The following NXNL2 variants were observed in gnomAD, a reference collection of about 807,000 sequenced individuals.
The protein encoded by NXNL2 is nucleoredoxin-like protein 2.
NXNL2 carries 7 observed loss-of-function variants against 11.1 expected under a neutral mutation model. The ratio of observed to expected loss-of-function variants is 0.63; its 90% CI spans 0.36 to 1.18. The LOEUF (loss-of-function observed/expected upper bound fraction) is 1.18, where lower values mean the gene tolerates loss of function less well. Among genes scored for constraint, NXNL2 ranks in the 50% most tolerant of loss-of-function variants. The pLI, the probability that NXNL2 is intolerant of heterozygous loss-of-function variation, is 0.02. For missense variants in NXNL2, 233 were observed against 217.7 expected, an observed-to-expected ratio of 1.07 and a Z score of -0.44; for synonymous variants, 109 against 101.8, an observed-to-expected ratio of 1.07 and a Z score of -0.42.
downstream of NXNL2, among the ~76,000 whole-genome samples, chr9:88,577,343 C>A (rs529045966): frequency 1.3e-5 from 2 of 152,096 alleles, no homozygotes; most frequent in South Asian, 2.1e-4. Flanking sequence ...TGATGCACCC[C>A]CGGGCAGGGG....
chr9:88,557,080 CAAAAAAA>C (rs150400954), intron 1 of NXNL2, among the ~76,000 whole-genome samples: 3 of 55,630 alleles, frequency 5.4e-5, no homozygotes, highest in Non-Finnish European at 8.9e-5. Context: ...GACTCCATCT[CAAAAAAA>C]AAAAAAAAAA....
chr9:88,582,526 T>C (rs1418418954), intron 1 of NXNL2, among the ~76,000 whole-genome samples: 1 of 152,104 alleles, frequency 6.6e-6, no homozygotes, highest in African/African-American at 2.4e-5. Context: ...ATTGCACCAT[T>C]AGCAAGTATT....
At chr9:88,547,066 G>A (rs150701686), downstream of NXNL2, among the ~76,000 whole-genome samples, 6 of 152,348 alleles carry the variant, frequency 3.9e-5, no homozygotes, top group African/African-American at 1.4e-4. Context: ...TGGGGCAGGG[G>A]TTGAAAGACA....
downstream of NXNL2, among the ~76,000 whole-genome samples, chr9:88,577,623 A>AAGAGAG (rs5899044): frequency 0.091 from 13,631 of 149,334 alleles, 843 homozygotes; most frequent in African/African-American, 0.17. Flanking sequence ...TGGAGAGAGA[A>AAGAGAG]AGAGAGAGAG....
chr9:88,584,500 T>G (rs1390191007), downstream of NXNL2, among the ~76,000 whole-genome samples: 3 of 152,210 alleles, frequency 2.0e-5, no homozygotes, highest in African/African-American at 7.2e-5. Flanking sequence ...AAATGTCTGT[T>G]GTTTAAACTA....
chr9:88,535,195 T>A lies in NXNL2; in HGVS notation c.-240T>A. ...CCGCTCCCAGAGGCGGGTGCCGCGC[T>A]GTCGCCCAGGTATCTGGGGTCTCTG... is the stretch of plus-strand genomic sequence containing the variant. On this transcript the variant is annotated 5_prime_UTR_variant, in exon 1 of 2. Coordinates refer to ENST00000375854, the MANE Select transcript of NXNL2 (RefSeq NM_001161625.2). The A allele has an allele frequency of 3.8e-6, 2 of 532,292 alleles. No individual in the cohort carries two copies. Among genetic ancestry groups the A allele is most frequent in the South Asian group, 5.2e-5 (2 of 38,394 alleles). 33.0% of individuals were successfully genotyped at this position (532,292 alleles called of 1,614,324 possible).
chr9:88,566,892 C>T (rs1228624481), intron 1 of NXNL2, among the ~76,000 whole-genome samples: 1 of 151,786 alleles, frequency 6.6e-6, no homozygotes, highest in Non-Finnish European at 1.5e-5. Context: ...TCTATCTAGC[C>T]TATTATCTAT....
In NXNL2 at chr9:88,582,296, T is replaced by C. The variant is rs374078525; in HGVS notation, n.552-1703T>C. Among the ~76,000 whole-genome samples, 294 of 152,140 alleles carry C rather than the reference T, an allele frequency of 1.9e-3. 1 individual carries two copies. The highest frequency in any genetic ancestry group is 6.1e-3 in the African/African-American group (252 of 41,508). On this transcript the variant is annotated intron_variant and non_coding_transcript_variant, in intron 1 of 1. Transcript: ENST00000478686. ...CATCCTGGCTAACACGGTGAAACCC[T>C]GTCTCTGCTAAAAATACAAAAAATT...
In NXNL2 at chr9:88,536,924, C is replaced by G. The variant is rs73652586; in HGVS notation, c.302+1188C>G. 8.6e-3 allele frequency among the ~76,000 whole-genome samples: 1,312 copies of G among 152,292 alleles called. 25 individuals are homozygous for G. Among genetic ancestry groups the G allele is most frequent in the African/African-American group, 0.029 (1,215 of 41,558 alleles). On this transcript the variant is annotated intron_variant, in intron 1 of 1. Transcript: ENST00000375854. ...TTTGCAAAAGGATTTCTTACAGAAT[C>G]AGTTCAAGTGGTGCTTTTAAAAACA...
exon 3 of NXNL2, chr9:88,575,215 T>A: frequency 1.1e-6 from 1 of 926,802 alleles, no homozygotes; most frequent in Non-Finnish European, 1.3e-6. Context: ...CAATGTGCTG[T>A]GACCATGTGA....
At chr9:88,552,759 G>A (rs765633189) in intron 1 of NXNL2, among the ~76,000 whole-genome samples, 5 of 152,090 alleles carry the variant, frequency 3.3e-5, no homozygotes, top group Non-Finnish European at 5.9e-5. Flanking sequence ...ATGAGCCACC[G>A]CGCCCGGTGA....
chr9:88,548,477 TATGGTGAAACCCTGTCTCTAAA>T (rs1829878931), downstream of NXNL2, among the ~76,000 whole-genome samples: 1 of 144,344 alleles, frequency 6.9e-6, no homozygotes, highest in Non-Finnish European at 1.5e-5. Flanking sequence ...TCCTGGCTAA[TATGGTGAAACCCTGTCTCTAAA>T]ATGGTGAAAC....
chr9:88,541,593 C>T (rs1829762933), intron 1 of NXNL2, among the ~76,000 whole-genome samples: 1 of 152,132 alleles, frequency 6.6e-6, no homozygotes, highest in South Asian at 2.1e-4. Flanking sequence ...TTTAGTGTTT[C>T]CTGAGAACCA....
chr9:88,582,217 G>A (rs556642037), intron 1 of NXNL2, among the ~76,000 whole-genome samples: 4 of 152,304 alleles, frequency 2.6e-5, no homozygotes, highest in East Asian at 1.9e-4. Context: ...AGTGGCTCAC[G>A]CCTGTAATCC....
At chr9:88,554,486 T>A (rs1829985594) in intron 1 of NXNL2, among the ~76,000 whole-genome samples, 1 of 152,208 alleles carries the variant, frequency 6.6e-6, no homozygotes, top group South Asian at 2.1e-4. Flanking sequence ...ATTACAGACA[T>A]GAGCCACCGC....
intron 1 of NXNL2, among the ~76,000 whole-genome samples, chr9:88,551,892 C>T (rs145734339): frequency 1.6e-4 from 24 of 152,290 alleles, no homozygotes; most frequent in East Asian, 1.2e-3. Context: ...TGAAATTACC[C>T]TGATTTCATT....
At chr9:88,557,627 TCTGAACAA>T (rs754511214) in intron 1 of NXNL2, among the ~76,000 whole-genome samples, 9 of 152,186 alleles carry the variant, frequency 5.9e-5, no homozygotes, top group Non-Finnish European at 1.0e-4. Flanking sequence ...TAGTCTAATT[TCTGAACAA>T]CTGACCTTTG....
At chr9:88,572,367 C>A (rs1049793051) in intron 2 of NXNL2, among the ~76,000 whole-genome samples, 1 of 152,086 alleles carries the variant, frequency 6.6e-6, no homozygotes, top group Non-Finnish European at 1.5e-5. Flanking sequence ...CGGCCTCCCA[C>A]CTATAGTAGG....
chr9:88,546,745 A>G (rs114954869), downstream of NXNL2, among the ~76,000 whole-genome samples: 1,111 of 152,108 alleles, frequency 7.3e-3, 9 homozygotes, highest in African/African-American at 0.025. Context: ...AACATCCCAA[A>G]CAATTTTTCT....
Sources: gnomAD v4.1 joint callset for allele counts (sites outside exome capture counted in the v4.1 genomes callset) on GRCh38, gnomAD v4.1.1 for gene constraint, MANE v1.5 for transcripts, NCBI Gene and HGNC (gene_info 2026-07-23, HGNC 2026-07-21) for gene names.